SEM1: variants seen among roughly 807,000 people sequenced by gnomAD.
SEM1 encodes the protein 26S proteasome complex subunit SEM1.
A neutral mutation model predicts 12.7 loss-of-function variants in SEM1; 3 were observed. The observed-to-expected ratio is 0.24, with a 90% confidence interval of 0.11 to 0.61. The LOEUF (loss-of-function observed/expected upper bound fraction) is 0.61, where lower values mean the gene tolerates loss of function less well. Among genes scored for constraint, SEM1 ranks in the 20% least tolerant of loss-of-function variants. The probability of loss-of-function intolerance (pLI) is 0.88; values close to 1 mark genes in which losing one functional copy is unlikely to be tolerated. For missense variants in SEM1, 59 were observed against 81.3 expected, an observed-to-expected ratio of 0.73 and a Z score of 1.06; for synonymous variants, 30 against 27.8, an observed-to-expected ratio of 1.08 and a Z score of -0.25.
chr7:96,562,871 T>G (rs1386247313), intron 2 of SEM1, among the ~76,000 whole-genome samples: 1 of 152,178 alleles, frequency 6.6e-6, no homozygotes, highest in Non-Finnish European at 1.5e-5. Context: ...CTAAGCTTAG[T>G]GCAAATCATC....
intron 2 of SEM1, among the ~76,000 whole-genome samples, chr7:96,571,264 A>C (rs1477939963): frequency 6.6e-6 from 1 of 152,054 alleles, no homozygotes; most frequent in Admixed American, 6.6e-5. Context: ...TGTTTTAGTC[A>C]TGAAGTCTTT....
intron 2 of SEM1, among the ~76,000 whole-genome samples, chr7:96,692,108 G>A (rs565035516): frequency 6.6e-6 from 1 of 152,214 alleles, no homozygotes; most frequent in South Asian, 2.1e-4. Context: ...CTGTGGGGGT[G>A]TATTATAAAA....
chr7:96,685,027 A>G (rs1007235771), downstream of SEM1, among the ~76,000 whole-genome samples: 3 of 152,222 alleles, frequency 2.0e-5, no homozygotes, highest in African/African-American at 7.2e-5. Context: ...GGTGGTGCTA[A>G]TTGTCAGCTC....
intron 2 of SEM1, among the ~76,000 whole-genome samples, chr7:96,680,293 T>C (rs1165981662): frequency 3.3e-5 from 5 of 152,036 alleles, no homozygotes; most frequent in African/African-American, 4.8e-5. Flanking sequence ...TGAATCCTTA[T>C]CTCTATTCTA....
intron 2 of SEM1, among the ~76,000 whole-genome samples, chr7:96,657,609 G>T (rs1376431625): frequency 2.0e-5 from 3 of 152,174 alleles, no homozygotes; most frequent in African/African-American, 7.2e-5. Flanking sequence ...CCTCTAGTGG[G>T]TTTTCTCGGT....
intron 2 of SEM1, among the ~76,000 whole-genome samples, chr7:96,586,972 C>A (rs1364324432): frequency 6.6e-6 from 1 of 152,116 alleles, no homozygotes; most frequent in Admixed American, 6.5e-5. Flanking sequence ...TCAGGTACCA[C>A]TGAGGTGTTG....
chr7:96,632,482 T>C (rs1032075140), intron 2 of SEM1, among the ~76,000 whole-genome samples: 1 of 151,862 alleles, frequency 6.6e-6, no homozygotes, highest in Non-Finnish European at 1.5e-5. Context: ...ATGTTCCCAC[T>C]CATAAGTGGG....
At chr7:96,520,780 G>A (rs1275368463) in intron 2 of SEM1, among the ~76,000 whole-genome samples, 2 of 152,240 alleles carry the variant, frequency 1.3e-5, no homozygotes, top group Middle Eastern at 3.4e-3. Flanking sequence ...TGATTTTTCT[G>A]TGACTCAGGA....
chr7:96,483,139 T>C (rs1353715838), exon 4 of SEM1: 1 of 152,266 alleles, frequency 6.6e-6, no homozygotes, highest in Non-Finnish European at 1.5e-5. Context: ...ATAGGCATTA[T>C]GTCATTTGAA....
chr7:96,521,192 T>C (rs1302532258), intron 2 of SEM1, among the ~76,000 whole-genome samples: 1 of 152,068 alleles, frequency 6.6e-6, no homozygotes, highest in African/African-American at 2.4e-5. Flanking sequence ...ATTTCCAGCC[T>C]CAGTCAGACC....
intron 2 of SEM1, among the ~76,000 whole-genome samples, chr7:96,694,491 G>A (rs946634374): frequency 6.6e-6 from 1 of 151,892 alleles, no homozygotes; most frequent in Admixed American, 6.6e-5. Flanking sequence ...AATTTCTGCT[G>A]AGTTATTTGA....
At chr7:96,496,343 T>C (rs771405296), upstream of SEM1, 3 of 1,408,078 alleles carry the variant, frequency 2.1e-6, no homozygotes, top group South Asian at 1.3e-5. Context: ...TTTGTTTCTC[T>C]GTGTGAAATA....
At position 96,647,694 on chromosome 7, in the gene SEM1, A is replaced by G. The variant is rs1016721810; in HGVS notation, c.171-25051T>C. On this transcript the variant is annotated intron_variant, in intron 2 of 2. Transcript: ENST00000417009. ...AACTGATATTACATCCCATGAACAC[A>G]TTGTAATTGTATTTCTTTTCTTTTG... Among the ~76,000 whole-genome samples, 3 of 152,178 alleles carry G rather than the reference A, an allele frequency of 2.0e-5. No individual in the cohort carries two copies. In the East Asian group the frequency reaches 5.8e-4, roughly 29 times the overall value.
At chr7:96,536,624 G>A (rs1804792955) in intron 2 of SEM1, among the ~76,000 whole-genome samples, 1 of 151,708 alleles carries the variant, frequency 6.6e-6, no homozygotes, top group African/African-American at 2.4e-5. Flanking sequence ...ATCAAGGATT[G>A]TTATATCTTC....
intron 2 of SEM1, among the ~76,000 whole-genome samples, chr7:96,561,554 C>T (rs1805691740): frequency 6.6e-6 from 1 of 152,196 alleles, no homozygotes. Flanking sequence ...GCTGCAGGTG[C>T]TGAGCATTAT....
rs1037371294 is a variant in SEM1, at chr7:96,662,227, G to A, written c.170+32571C>T. The stretch of plus-strand genomic sequence containing the variant: ...ACTATAAACACACATATACACACAT[G>A]TTCACTGCAGCACTATTTACAATAG... On this transcript the variant is annotated intron_variant, in intron 2 of 2. Coordinates refer to the SEM1 transcript ENST00000417009. Among the ~76,000 whole-genome samples the A allele has an allele frequency of 1.8e-4, 27 of 152,062 alleles. 1 individual carries two copies. Among genetic ancestry groups the A allele is most frequent in the African/African-American group, 6.0e-4 (25 of 41,390 alleles).
chr7:96,635,199 A>C (rs1808395792), intron 2 of SEM1, among the ~76,000 whole-genome samples: 1 of 152,138 alleles, frequency 6.6e-6, no homozygotes, highest in South Asian at 2.1e-4. Flanking sequence ...GTCTAAAAGA[A>C]CTGGGTGCAT....
intron 2 of SEM1, among the ~76,000 whole-genome samples, chr7:96,551,583 G>A (rs997266780): frequency 2.6e-5 from 4 of 151,514 alleles, no homozygotes; most frequent in African/African-American, 7.3e-5. Context: ...TGTGCACCTG[G>A]AGTCCCAGCC....
At chr7:96,589,120 G>T (rs779507463) in intron 2 of SEM1, among the ~76,000 whole-genome samples, 2 of 152,192 alleles carry the variant, frequency 1.3e-5, no homozygotes, top group Admixed American at 6.5e-5. Flanking sequence ...CACTGCTTAG[G>T]GCTTGTGGCT....
Sources: gnomAD v4.1 joint callset for allele counts (sites outside exome capture counted in the v4.1 genomes callset) on GRCh38, gnomAD v4.1.1 for gene constraint, MANE v1.5 for transcripts, NCBI Gene and HGNC (gene_info 2026-07-23, HGNC 2026-07-21) for gene names.